Variants in CCSER1 observed in about 807,000 individuals in gnomAD.
The protein encoded by CCSER1 is coiled-coil serine rich protein 1, also known as serine-rich coiled-coil domain-containing protein 1.
Under a neutral mutation model 82.0 loss-of-function variants are expected in CCSER1, and 41 were observed. The ratio of observed to expected loss-of-function variants is 0.50; its 90% CI spans 0.39 to 0.65. The LOEUF (loss-of-function observed/expected upper bound fraction) is 0.65, where lower values mean the gene tolerates loss of function less well. Ranked by LOEUF, CCSER1 falls within the 30% of genes least tolerant of loss-of-function variation. The pLI is 0.00. For synonymous variants in CCSER1, 414 were observed against 383.9 expected, an observed-to-expected ratio of 1.08 and a Z score of -0.92; for missense variants, 1,119 against 1,064.2, an observed-to-expected ratio of 1.05 and a Z score of -0.72.
At chr4:90,143,259 T>A (rs1725143993) in intron 1 of CCSER1, among the ~76,000 whole-genome samples, 1 of 152,174 alleles carries the variant, frequency 6.6e-6, no homozygotes, top group Non-Finnish European at 1.5e-5. Context: ...AGCCAATTTC[T>A]TCTCAAGCTT....
chr4:90,839,614 G>A (rs1762304787), intron 8 of CCSER1, among the ~76,000 whole-genome samples: 1 of 152,174 alleles, frequency 6.6e-6, no homozygotes, highest in African/African-American at 2.4e-5. Flanking sequence ...GGAGGAGCAA[G>A]AAGAGAAAGC....
chr4:91,441,535 G>A (rs1341239281), intron 10 of CCSER1, among the ~76,000 whole-genome samples: 4 of 152,082 alleles, frequency 2.6e-5, no homozygotes, highest in African/African-American at 9.7e-5. Context: ...GCAAAAACTG[G>A]AAGCATTCCC....
At position 91,520,525 on chromosome 4, in the gene CCSER1, C is replaced by T. The variant is rs1411480927; in HGVS notation, c.2218-78047C>T. Reference sequence around the variant, plus strand: ...TATAATAATTGCTTTTTGCAATGATCTTTTAACTTACATATGAAAAGAAAA... The same window carrying T: ...TATAATAATTGCTTTTTGCAATGATTTTTTAACTTACATATGAAAAGAAAA... On this transcript the variant is annotated intron_variant, in intron 10 of 10. Transcript: ENST00000509176. 2.0e-5 allele frequency among the ~76,000 whole-genome samples: 3 copies of T among 152,168 alleles called. No homozygotes were observed. In the East Asian group the frequency reaches 5.8e-4, roughly 29 times the overall value.
intron 10 of CCSER1, among the ~76,000 whole-genome samples, chr4:91,129,415 A>G (rs1212896490): frequency 1.3e-5 from 2 of 152,086 alleles, no homozygotes; most frequent in African/African-American, 4.8e-5. Context: ...AGAGCTAGAT[A>G]GCTAATTCTG....
chr4:90,710,833 G>A (rs1740466379), intron 6 of CCSER1, among the ~76,000 whole-genome samples: 1 of 151,922 alleles, frequency 6.6e-6, no homozygotes, highest in African/African-American at 2.4e-5. Flanking sequence ...GGTTCCATTG[G>A]AATTATAAAC....
At chr4:90,333,905 T>C (rs1051622573) in intron 3 of CCSER1, among the ~76,000 whole-genome samples, 1 of 152,194 alleles carries the variant, frequency 6.6e-6, no homozygotes, top group Admixed American at 6.5e-5. Context: ...TGTATCATCA[T>C]TGGATACAAA....
At position 91,027,599 on chromosome 4, in the gene CCSER1, A is replaced by G. The variant is rs184064510; in HGVS notation, c.2173-58351A>G. Among the ~76,000 whole-genome samples, 158 of 152,050 alleles carry G rather than the reference A, an allele frequency of 1.0e-3. 1 individual carries two copies. Among genetic ancestry groups the G allele is most frequent in the African/African-American group, 3.6e-3 (150 of 41,504 alleles). ...GGCTACCTGTCATTCTCACAGCCCT[A>G]TTTTTACCCTGAAGGTGAGATAAGC... On this transcript the variant is annotated intron_variant, in intron 9 of 10. Coordinates refer to ENST00000509176, the MANE Select transcript of CCSER1 (RefSeq NM_001145065.2).
At chr4:90,326,374 T>G (rs1181245046) in intron 3 of CCSER1, among the ~76,000 whole-genome samples, 1 of 152,140 alleles carries the variant, frequency 6.6e-6, no homozygotes, top group African/African-American at 2.4e-5. Context: ...ACTTTTTGTT[T>G]TAAACTAGCC....
At chr4:91,253,708 G>A (rs1016646022) in intron 10 of CCSER1, among the ~76,000 whole-genome samples, 2 of 152,078 alleles carry the variant, frequency 1.3e-5, no homozygotes, top group African/African-American at 4.8e-5. Flanking sequence ...TTGTTTCATT[G>A]CTATAAAGAA....
rs1278432659 is a variant in CCSER1, at chr4:91,153,183, A to G, written c.2217+67189A>G. On this transcript the variant is annotated intron_variant, in intron 10 of 10. Coordinates refer to ENST00000509176, the MANE Select transcript of CCSER1 (RefSeq NM_001145065.2). ...AGATTTAGTCTTTTCACATAGTCCC[A>G]TATTTCTTAGAGGCTTTGTTCATTT... Among the ~76,000 whole-genome samples the G allele has an allele frequency of 2.0e-5, 3 of 151,894 alleles. 1 individual carries two copies. The highest frequency in any genetic ancestry group is 2.9e-5 in the Non-Finnish European group (2 of 67,916).
chr4:90,692,069 A>G (rs1403847895), intron 6 of CCSER1, among the ~76,000 whole-genome samples: 1 of 145,716 alleles, frequency 6.9e-6, no homozygotes, highest in Non-Finnish European at 1.5e-5. Context: ...ATATATATAT[A>G]TGATAAATAC....
intron 6 of CCSER1, among the ~76,000 whole-genome samples, chr4:90,691,488 A>G (rs1039914558): frequency 6.6e-6 from 1 of 151,894 alleles, no homozygotes; most frequent in Non-Finnish European, 1.5e-5. Flanking sequence ...TATATATCAC[A>G]TGTATATAAA....
At chr4:90,821,083 A>G (rs1002061840) in intron 8 of CCSER1, among the ~76,000 whole-genome samples, 17 of 152,152 alleles carry the variant, frequency 1.1e-4, no homozygotes, top group African/African-American at 3.9e-4. Context: ...GTGGATTTCT[A>G]TTCCCCACCC....
At chr4:91,095,227 C>T (rs937299292) in intron 10 of CCSER1, among the ~76,000 whole-genome samples, 10 of 152,184 alleles carry the variant, frequency 6.6e-5, no homozygotes, top group African/African-American at 7.2e-5. Context: ...GTCCCTTCGT[C>T]TTTATCTGTG....
At chr4:91,222,666 C>A (rs905817690) in intron 10 of CCSER1, among the ~76,000 whole-genome samples, 5 of 152,044 alleles carry the variant, frequency 3.3e-5, no homozygotes, top group Non-Finnish European at 5.9e-5. Flanking sequence ...TTAGGGGAAA[C>A]TGCCTTGCAT....
chr4:90,826,464 A>T (rs1009498225), intron 8 of CCSER1, among the ~76,000 whole-genome samples: 1 of 152,192 alleles, frequency 6.6e-6, no homozygotes, highest in Admixed American at 6.5e-5. Context: ...AAGCAAAGGG[A>T]GATAGGCTTA....
At chr4:90,438,783 T>TCTAG (rs1344815727) in intron 4 of CCSER1, among the ~76,000 whole-genome samples, 1 of 149,358 alleles carries the variant, frequency 6.7e-6, no homozygotes, top group African/African-American at 2.5e-5. Flanking sequence ...CTTCTATCTA[T>TCTAG]CTATCTATCT....
intron 10 of CCSER1, among the ~76,000 whole-genome samples, chr4:91,524,271 C>T (rs1462369366): frequency 6.6e-6 from 1 of 152,158 alleles, no homozygotes; most frequent in Non-Finnish European, 1.5e-5. Context: ...GTTATAACAT[C>T]TCTTTTTTTG....
intron 1 of CCSER1, among the ~76,000 whole-genome samples, chr4:90,288,097 C>G (rs571769315): frequency 2.0e-5 from 3 of 151,870 alleles, no homozygotes; most frequent in Non-Finnish European, 4.4e-5. Context: ...GCTATTTAAG[C>G]GAGAATGTCG....
Sources: allele counts gnomAD v4.1 joint callset (sites outside exome capture counted in the v4.1 genomes callset), GRCh38; gene constraint gnomAD v4.1.1; transcripts MANE v1.5; gene names NCBI Gene and HGNC (gene_info 2026-07-23, HGNC 2026-07-21).